PRKAR2A: variants seen among roughly 807,000 people sequenced by gnomAD.
The protein encoded by PRKAR2A is protein kinase cAMP-dependent type II regulatory subunit alpha.
A neutral mutation model predicts 51.9 loss-of-function variants in PRKAR2A; 29 were observed. The ratio of observed to expected loss-of-function variants is 0.56; its 90% confidence interval spans 0.42 to 0.76. The LOEUF is 0.76. Ranked by LOEUF, PRKAR2A falls within the 30% of genes least tolerant of loss-of-function variation. The pLI is 0.00. For synonymous variants in PRKAR2A, 178 were observed against 186.2 expected, an observed-to-expected ratio of 0.96 and a Z score of 0.36; for missense variants, 445 against 512.1, an observed-to-expected ratio of 0.87 and a Z score of 1.26.
At chr3:48,833,664 C>T (rs1251773575) in intron 1 of PRKAR2A, among the ~76,000 whole-genome samples, 1 of 149,180 alleles carries the variant, frequency 6.7e-6, no homozygotes, top group Admixed American at 6.7e-5. Flanking sequence ...GAGCCAAGAT[C>T]GCGCCATTGC....
At chr3:48,783,138 G>GA in intron 4 of PRKAR2A, 46 bp from the exon 5 acceptor site, 3 of 1,261,026 alleles carry the variant, frequency 2.4e-6, no homozygotes, top group Non-Finnish European at 2.3e-6. Flanking sequence ...TACATATGCT[G>GA]AAAAAAAGCA....
At chr3:48,773,219 T>C (rs995911483) in intron 5 of PRKAR2A, 111 bp from the exon 6 acceptor site, 16 of 829,718 alleles carry the variant, frequency 1.9e-5, no homozygotes, top group Non-Finnish European at 2.9e-5. Flanking sequence ...CAATGGAACT[T>C]TGCTAGTATA....
At chr3:48,822,900 G>T (rs2082992279) in intron 1 of PRKAR2A, among the ~76,000 whole-genome samples, 1 of 151,994 alleles carries the variant, frequency 6.6e-6, no homozygotes, top group Non-Finnish European at 1.5e-5. Flanking sequence ...GGCTACAAGG[G>T]TAGAAGCCAG....
intron 1 of PRKAR2A, among the ~76,000 whole-genome samples, chr3:48,842,034 C>A (rs1360705515): frequency 6.6e-6 from 1 of 152,134 alleles, no homozygotes; most frequent in Non-Finnish European, 1.5e-5. Context: ...ATTGATTCTT[C>A]CTATCCATGA....
chr3:48,752,395 G>T, intron 9 of PRKAR2A, 78 bp from the exon 10 acceptor site: 1 of 1,432,544 alleles, frequency 7.0e-7, no homozygotes, highest in Non-Finnish European at 9.5e-7. Flanking sequence ...CACATACACT[G>T]TTCTCAGCAT....
intron 3 of PRKAR2A, among the ~76,000 whole-genome samples, chr3:48,791,357 T>A (rs1296030897): frequency 4.6e-5 from 6 of 130,754 alleles, no homozygotes; most frequent in African/African-American, 1.8e-4. Context: ...AGCACTTTGG[T>A]AGGCTGAGGC....
At chr3:48,839,560 G>A (rs763358562) in intron 1 of PRKAR2A, among the ~76,000 whole-genome samples, 8 of 151,934 alleles carry the variant, frequency 5.3e-5, no homozygotes, top group African/African-American at 1.5e-4. Flanking sequence ...CATTAAATAC[G>A]CATTATAATA....
chr3:48,800,531 TAC>T (rs534797511), intron 2 of PRKAR2A, among the ~76,000 whole-genome samples: 1,928 of 147,986 alleles, frequency 0.013, 16 homozygotes, highest in Non-Finnish European at 0.02. Flanking sequence ...AAAAACTATA[TAC>T]ACACACACAC....
At chr3:48,821,907 T>C in intron 1 of PRKAR2A, among the ~76,000 whole-genome samples, 1 of 127,446 alleles carries the variant, frequency 7.8e-6, no homozygotes, top group Admixed American at 8.6e-5. Context: ...AGAGCAACAC[T>C]CCATGTCAGA....
At chr3:48,806,358 C>T (rs916965751) in intron 2 of PRKAR2A, among the ~76,000 whole-genome samples, 1 of 152,072 alleles carries the variant, frequency 6.6e-6, no homozygotes, top group African/African-American at 2.4e-5. Context: ...ATTAACATTC[C>T]ACTGTACTCC....
chr3:48,773,779 CATAA>C (rs1254367459), intron 5 of PRKAR2A, among the ~76,000 whole-genome samples: 1 of 151,510 alleles, frequency 6.6e-6, no homozygotes, highest in Non-Finnish European at 1.5e-5. Flanking sequence ...TATACATACA[CATAA>C]ATATATATAT....
intron 1 of PRKAR2A, among the ~76,000 whole-genome samples, chr3:48,832,201 C>T (rs1316617809): frequency 6.7e-6 from 1 of 149,724 alleles, no homozygotes; most frequent in Admixed American, 6.8e-5. Flanking sequence ...GGCTGAGGCA[C>T]GAGAATCGCT....
At chr3:48,751,771 A>G in intron 10 of PRKAR2A, 53 bp from the exon 11 acceptor site, 1 of 1,573,966 alleles carries the variant, frequency 6.4e-7, no homozygotes, top group South Asian at 1.1e-5. Flanking sequence ...CATTTCCCTC[A>G]TGCAAACCTT....
chr3:48,835,979 C>T (rs1244526413), intron 1 of PRKAR2A, among the ~76,000 whole-genome samples: 2 of 152,072 alleles, frequency 1.3e-5, no homozygotes, highest in East Asian at 3.8e-4. Flanking sequence ...CTCACATTTA[C>T]AGTCAATCCA....
At chr3:48,834,220 A>G (rs2083243009) in intron 1 of PRKAR2A, among the ~76,000 whole-genome samples, 1 of 152,112 alleles carries the variant, frequency 6.6e-6, no homozygotes, top group South Asian at 2.1e-4. Flanking sequence ...GTCAGGGTCC[A>G]TACGGAGCAG....
At chr3:48,831,563 A>C (rs1057328526) in intron 1 of PRKAR2A, among the ~76,000 whole-genome samples, 4 of 151,658 alleles carry the variant, frequency 2.6e-5, no homozygotes, top group African/African-American at 9.7e-5. Flanking sequence ...GGGTCTTGCT[A>C]TGTCGCCCAG....
At chr3:48,766,870 G>T (rs1226696035) in intron 6 of PRKAR2A, among the ~76,000 whole-genome samples, 1 of 152,070 alleles carries the variant, frequency 6.6e-6, no homozygotes, top group Non-Finnish European at 1.5e-5. Context: ...TTGAGATAGG[G>T]TCCCCCAATG....
chr3:48,789,523 C>T (rs1386757218), intron 4 of PRKAR2A, among the ~76,000 whole-genome samples: 1 of 145,252 alleles, frequency 6.9e-6, no homozygotes, highest in Non-Finnish European at 1.5e-5. Context: ...CAGAGTCTTG[C>T]TCTGTCACCC....
chr3:48,752,105 A>G, intron 10 of PRKAR2A, 71 bp downstream of exon 10: 2 of 1,534,502 alleles, frequency 1.3e-6, no homozygotes, highest in Non-Finnish European at 1.8e-6. Context: ...AGAATATGTC[A>G]AGGCTTGCTG....
Sources: allele counts gnomAD v4.1 joint callset (sites outside exome capture counted in the v4.1 genomes callset), GRCh38; gene constraint gnomAD v4.1.1; transcripts MANE v1.5; gene names NCBI Gene and HGNC (gene_info 2026-07-23, HGNC 2026-07-21).